SNRNP70: variants seen among roughly 807,000 people sequenced by gnomAD.
The protein encoded by SNRNP70 is U1 small nuclear ribonucleoprotein 70 kDa.
SNRNP70 carries 8 observed loss-of-function variants against 50.5 expected under a neutral mutation model. That is an observed-to-expected ratio of 0.16 (90% CI 0.09 to 0.29). The LOEUF (loss-of-function observed/expected upper bound fraction) is 0.29. SNRNP70 is among the 10% of genes least tolerant of loss of function. The probability of loss-of-function intolerance (pLI) is 1.00; values close to 1 mark genes in which losing one functional copy is unlikely to be tolerated. For synonymous variants in SNRNP70, 320 were observed against 252.9 expected (o/e 1.27, Z -2.52); for missense variants, 529 against 663.5 (o/e 0.80, Z 2.23).
chr19:49,086,049 C>T (rs894147574), intron 1 of SNRNP70, among the ~76,000 whole-genome samples: 12 of 152,314 alleles, frequency 7.9e-5, no homozygotes, highest in Non-Finnish European at 1.6e-4. Context: ...TTGCCCTCCA[C>T]GGCACGGGAC....
chr19:49,087,444 C>T lies in SNRNP70; in HGVS notation c.147+883C>T, dbSNP rs879691685. Among the ~76,000 whole-genome samples, 23 of 152,092 alleles carry T rather than the reference C, an allele frequency of 1.5e-4. 1 individual carries two copies. The highest frequency in any genetic ancestry group is 5.9e-4 in the Admixed American group (9 of 15,244). ...CACCAAGCAGTCAGCACATGTCAGC[C>T]TTTGTTACTCTGTTTACTACTTTTA... On this transcript the variant is annotated intron_variant, in intron 2 of 9. Coordinates refer to ENST00000598441, the MANE Select transcript of SNRNP70 (RefSeq NM_003089.6).
chr19:49,096,488 A>G (rs1057013930), intron 4 of SNRNP70, among the ~76,000 whole-genome samples: 5 of 152,048 alleles, frequency 3.3e-5, no homozygotes, highest in African/African-American at 1.2e-4. Flanking sequence ...TTCTTAGGCC[A>G]GGTGCGGTGG....
In SNRNP70 at chr19:49,107,389, GA is replaced by G. The variant is rs2040685731; in HGVS notation, c.578-235del. Reference sequence around the variant, plus strand: ...GTTAAGATGATGCGCTTTGGGGCCAGACATGGGTTCCAGTAACGGCTGTTGC... The same window carrying G: ...GTTAAGATGATGCGCTTTGGGGCCAGCATGGGTTCCAGTAACGGCTGTTGC... On this transcript the variant is annotated intron_variant, in intron 8 of 9. Transcript: ENST00000598441. The surrounding 1 kb of genome is among the most constrained non-coding windows in gnomAD (Gnocchi z 6.0). Among the ~76,000 whole-genome samples the G allele has an allele frequency of 6.6e-6, 1 of 152,230 alleles. No individual in the cohort carries two copies. Among genetic ancestry groups the G allele is most frequent in the South Asian group, 2.1e-4 (1 of 4,834 alleles).
chr19:49,108,101 C>T lies in SNRNP70; in HGVS notation c.972C>T (p.Asp324=), dbSNP rs368483956. ...GDMAEPSEAG[D]APPDDGPPGE... ...TGGCGGAGCCCTCCGAGGCGGGTGA[C>T]GCGCCCCCTGATGATGGGCCTCCAG... Residue 324 remains aspartate, a synonymous_variant, in exon 10 of 10, where the codon GAC becomes GAT. Transcript: ENST00000598441. 16 of 1,549,238 alleles carry T rather than the reference C, an allele frequency of 1.0e-5. No individual in the cohort carries two copies. Among genetic ancestry groups the T allele is most frequent in the East Asian group, 7.1e-5 (3 of 42,238 alleles).
Position 49,107,166 on chromosome 19 carries a change from G to A in SNRNP70, c.578-459G>A, listed in dbSNP as rs1040173718. The stretch of plus-strand genomic sequence containing the variant: ...CCTGGGACACGCAGCCAAGAGCCGC[G>A]GCTCAGACGCTAGCAGGGCCCGCTC... On this transcript the variant is annotated intron_variant, in intron 8 of 9. Transcript: ENST00000598441. This position sits in a 1 kb window ranked among gnomAD's most constrained non-coding sequence, Gnocchi z 6.0. Among the ~76,000 whole-genome samples, 4 of 152,208 alleles carry A rather than the reference G, an allele frequency of 2.6e-5. No homozygotes were observed. The highest frequency in any genetic ancestry group is 2.1e-4 in the South Asian group (1 of 4,832).
chr19:49,085,507 C>G lies in SNRNP70; in HGVS notation c.-140C>G, dbSNP rs1481950544. The stretch of plus-strand genomic sequence containing the variant: ...GCAGCGGCCTGGTGCGCTCGCTTAG[C>G]GGGCGACGGAATCAGACGGACGTGG... On this transcript the variant is annotated 5_prime_UTR_variant, in exon 1 of 10. Coordinates refer to ENST00000598441, the MANE Select transcript of SNRNP70 (RefSeq NM_003089.6). The G allele has an allele frequency of 4.4e-6, 2 of 454,478 alleles. No individual in the cohort carries two copies. Among genetic ancestry groups the G allele is most frequent in the Non-Finnish European group, 8.9e-6 (2 of 225,868 alleles). 28.2% of individuals were successfully genotyped at this position (454,478 alleles called of 1,614,324 possible).
Position 49,108,180 on chromosome 19 carries a change from G to A in SNRNP70, c.1051G>A (p.Asp351Asn). ...TCCAGAGGAAAAGGGCCGGGATCGT[G>A]ACCGGGAGCGACGGCGGAGCCACCG... ...DGPEEKGRDR[D>N]RERRRSHRSE... Residue 351 changes from aspartate to asparagine, a missense_variant, in exon 10 of 10, where the codon GAC (aspartate) becomes AAC (asparagine). Asp to Asn is a conservative substitution (Grantham distance 23, BLOSUM62 1). Around this residue, in one of 4 missense-constraint regions of SNRNP70, gnomAD observed 327 missense variants for 308.8 expected, o/e 1.06. Transcript: ENST00000598441. 1 of 1,537,304 alleles carries A rather than the reference G, an allele frequency of 6.5e-7. No homozygotes were observed. The highest frequency in any genetic ancestry group is 8.8e-7 in the Non-Finnish European group (1 of 1,140,934).
intron 2 of SNRNP70, 34 bp downstream of exon 2, chr19:49,086,595 G>A (rs1157955886): frequency 2.5e-6 from 4 of 1,604,122 alleles, no homozygotes; most frequent in Non-Finnish European, 3.4e-6. Flanking sequence ...AATGGTTTGG[G>A]TTCTGGGGAG....
intron 2 of SNRNP70, among the ~76,000 whole-genome samples, chr19:49,088,498 C>CT (rs71179084): frequency 0.023 from 2,336 of 99,466 alleles, 123 homozygotes; most frequent in African/African-American, 0.071. Flanking sequence ...CGCACCCGAC[C>CT]TTTTTTTTTT....
Position 49,090,279 on chromosome 19 carries a change from T to C in SNRNP70, c.148-12T>C. On this transcript the variant is annotated splice_polypyrimidine_tract_variant and intron_variant, in intron 2 of 9. Transcript: ENST00000598441. ...GTCCTTCCCACCCTGTCACCTCTCT[T>C]CTTGTTCCCAGGACCCTCGAGATGC... The C allele has an allele frequency of 1.2e-6, 2 of 1,613,350 alleles. No homozygotes were observed. Among genetic ancestry groups the C allele is most frequent in the East Asian group, 4.5e-5 (2 of 44,864 alleles).
rs778682851 is a variant in SNRNP70 at position 49,104,325 on chromosome 19, G to A, written c.476-309G>A. On this transcript the variant is annotated intron_variant, in intron 7 of 9. Transcript: ENST00000598441. The surrounding 1 kb of genome is among the most constrained non-coding windows in gnomAD (Gnocchi z 5.4). ...TTGCAGCGATTTTGGCCGCCCTGGC[G>A]GGAGGGGGCTGTTCCATCATGTGGG... 2 of 323,418 alleles carry A rather than the reference G, an allele frequency of 6.2e-6. No homozygotes were observed. Among genetic ancestry groups the A allele is most frequent in the South Asian group, 4.8e-5 (1 of 21,044 alleles). 20.0% of individuals were successfully genotyped at this position (323,418 alleles called of 1,614,324 possible).
intron 2 of SNRNP70, among the ~76,000 whole-genome samples, chr19:49,088,687 G>A (rs1600270896): frequency 6.6e-6 from 1 of 151,832 alleles, no homozygotes. Flanking sequence ...TGTAAAGACG[G>A]GGTTTCACCA....
chr19:49,108,122 T>G lies in SNRNP70; in HGVS notation c.993T>G (p.Pro331=). The G allele has an allele frequency of 6.5e-7, 1 of 1,547,800 alleles. No homozygotes were observed. Among genetic ancestry groups the G allele is most frequent in the Non-Finnish European group, 8.7e-7 (1 of 1,147,468 alleles). The change falls in exon 10 of 10, where the codon CCT becomes CCG. Residue 331 remains proline (P), a synonymous_variant. Transcript: ENST00000598441. ...GTGACGCGCCCCCTGATGATGGGCC[T>G]CCAGGGGAGCTCGGGCCTGACGGCC... ...EAGDAPPDDG[P]PGELGPDGPD... is the part of the protein sequence containing the mutation.
chr19:49,093,303 C>A (rs1308968321), intron 4 of SNRNP70, among the ~76,000 whole-genome samples: 1 of 151,682 alleles, frequency 6.6e-6, no homozygotes, highest in African/African-American at 2.4e-5. Flanking sequence ...TCAGGCTGTT[C>A]TCGAACTCCC....
rs11539822 is a variant in SNRNP70, at chr19:49,085,489, C to T, written c.-158C>T. The stretch of plus-strand genomic sequence containing the variant: ...GGCCGCGCGGGTGGCTGAGCAGCGG[C>T]CTGGTGCGCTCGCTTAGCGGGCGAC... On this transcript the variant is annotated 5_prime_UTR_variant, in exon 1 of 10. Coordinates refer to ENST00000598441, the MANE Select transcript of SNRNP70 (RefSeq NM_003089.6). 0.23 allele frequency: 104,760 copies of T among 452,144 alleles called. 12,756 individuals are homozygous for T. The highest frequency in any genetic ancestry group is 0.29 in the East Asian group (4,068 of 14,226). The allele number at this position is 452,144 out of a possible 1,614,324, so 28.0% of individuals were successfully genotyped here.
intron 2 of SNRNP70, among the ~76,000 whole-genome samples, chr19:49,089,465 C>T (rs576361161): frequency 2.0e-5 from 3 of 151,530 alleles, no homozygotes; most frequent in African/African-American, 4.8e-5. Context: ...CAACAGACCA[C>T]AACTTCGTCT....
At chr19:49,093,141 G>T (rs918548573) in intron 4 of SNRNP70, among the ~76,000 whole-genome samples, 1 of 151,952 alleles carries the variant, frequency 6.6e-6, no homozygotes, top group African/African-American at 2.4e-5. Context: ...TATTGCCCAG[G>T]CTGGAGTGTA....
chr19:49,094,330 C>T (rs1220059423), intron 4 of SNRNP70, among the ~76,000 whole-genome samples: 1 of 152,024 alleles, frequency 6.6e-6, no homozygotes, highest in Non-Finnish European at 1.5e-5. Context: ...GAAACCCTGT[C>T]TCAACTGAAA....
chr19:49,101,327 TG>T, intron 6 of SNRNP70, 62 bp from the exon 7 acceptor site: 1 of 1,228,082 alleles, frequency 8.1e-7, no homozygotes. Context: ...CAGGCTGTTG[TG>T]GGGTTGGTGG....
Sources: gnomAD v4.1 joint callset for allele counts (sites outside exome capture counted in the v4.1 genomes callset) on GRCh38, gnomAD v4.1.1 for gene constraint, gnomAD v4.1.1 regional missense constraint, Gnocchi (gnomAD v3.1) non-coding constraint, MANE v1.5 for transcripts, NCBI Gene and HGNC (gene_info 2026-07-23, HGNC 2026-07-21) for gene names.